CROCC2: variants seen among roughly 807,000 people sequenced by gnomAD.
The protein encoded by CROCC2 is ciliary rootlet coiled-coil, rootletin family member 2, also known as ciliary rootlet coiled-coil protein 2.
In CROCC2, 163 loss-of-function variants were observed where a neutral mutation model predicts 177.6. The observed-to-expected ratio is 0.92, with a 90% CI of 0.81 to 1.05. CROCC2 has a LOEUF of 1.05. Ranked by LOEUF, CROCC2 falls within the 50% of genes least tolerant of loss-of-function variation. CROCC2 has a pLI of 0.00. For missense variants in CROCC2, 1,929 were observed against 1,797.8 expected, an observed-to-expected ratio of 1.07 and a Z score of -1.32; for synonymous variants, 904 against 787.3, an observed-to-expected ratio of 1.15 and a Z score of -2.48.
intron 19 of CROCC2, chr2:240,957,249 C>G (rs1051425950): frequency 3.9e-5 from 6 of 152,460 alleles, no homozygotes; most frequent in African/African-American, 1.4e-4. Flanking sequence ...GTCCTTCCAG[C>G]TCCCAGCATG....
At chr2:240,990,685 C>T (rs567351304) in intron 30 of CROCC2, among the ~76,000 whole-genome samples, 94 of 152,288 alleles carry the variant, frequency 6.2e-4, no homozygotes, top group Non-Finnish European at 1.1e-3. Flanking sequence ...TGGGTTCAAG[C>T]GATTCTCCTG....
rs867667487 is a variant in CROCC2 at position 240,958,025 on chromosome 2, C to T, written c.2944-1276C>T. ...TCTTGAGCTGGCCCTGAGTCTCCCC[C>T]GGACTCGGTACCAGGCCTGCCAGCC... On this transcript the variant is annotated intron_variant, in intron 19 of 31. Transcript: ENST00000690015. The surrounding 1 kb of genome is among the most constrained non-coding windows in gnomAD (Gnocchi z 6.7). 11 of 985,250 alleles carry T rather than the reference C, an allele frequency of 1.1e-5. No individual in the cohort carries two copies. In the East Asian group the frequency reaches 5.7e-4, roughly 51 times the overall value. The allele number at this position is 985,250 out of a possible 1,614,324, so 61.0% of individuals were successfully genotyped here.
At position 240,949,852 on chromosome 2, in the gene CROCC2, T is replaced by C. The variant is rs2106469802; in HGVS notation, c.2652+150T>C. 1 of 831,072 alleles carries C rather than the reference T, an allele frequency of 1.2e-6. No individual in the cohort carries two copies. Among genetic ancestry groups the C allele is most frequent in the Non-Finnish European group, 1.9e-6 (1 of 537,682 alleles). 51.5% of individuals were successfully genotyped at this position (831,072 alleles called of 1,614,324 possible). ...TGGGCAAGGACCAGCTCACTCTTTATAGTTCACGTGGGCATCCAGGGCCTT... is the reference window on the plus strand; with the variant it reads ...TGGGCAAGGACCAGCTCACTCTTTACAGTTCACGTGGGCATCCAGGGCCTT... On this transcript the variant is annotated intron_variant, in intron 17 of 31. Coordinates refer to ENST00000690015, the MANE Select transcript of CROCC2 (RefSeq NM_001351305.2). This position sits in a 1 kb window ranked among gnomAD's most constrained non-coding sequence, Gnocchi z 4.5.
chr2:240,975,719 CTTTTTTTTTTTTTTTTT>C (rs55896940), intron 27 of CROCC2, among the ~76,000 whole-genome samples: 4 of 88,008 alleles, frequency 4.5e-5, no homozygotes, highest in Admixed American at 1.3e-4. Context: ...AACCAGCCTG[CTTTTTTTTTTTTTTTTT>C]TTTTTTTTTT....
intron 15 of CROCC2, among the ~76,000 whole-genome samples, chr2:240,946,752 T>C (rs2059526915): frequency 6.6e-6 from 1 of 152,230 alleles, no homozygotes; most frequent in Non-Finnish European, 1.5e-5. Flanking sequence ...CCCTTCTCCC[T>C]GCAAGGCCTG....
intron 1 of CROCC2, among the ~76,000 whole-genome samples, chr2:240,910,992 A>G (rs1229679553): frequency 2.0e-5 from 3 of 152,094 alleles, no homozygotes; most frequent in African/African-American, 7.2e-5. Flanking sequence ...TTAGCCAGGC[A>G]TGATGGCAGG....
At position 240,968,061 on chromosome 2, in the gene CROCC2, C is replaced by G. The variant is rs868339459; in HGVS notation, c.4268-68C>G. The stretch of plus-strand genomic sequence containing the variant: ...AGCCAGTCACTCAAGTCCACAGAGC[C>G]CTGCATTGCCTGCCTGTGACCTGGG... On this transcript the variant is annotated intron_variant, in intron 26 of 31. Coordinates refer to ENST00000690015, the MANE Select transcript of CROCC2 (RefSeq NM_001351305.2). The G allele has an allele frequency of 5.7e-5, 78 of 1,360,712 alleles. No individual in the cohort carries two copies. The Middle Eastern group carries it at 2.1e-3, about 37-fold the overall frequency. 84.3% of individuals were successfully genotyped at this position (1,360,712 alleles called of 1,614,324 possible).
intron 4 of CROCC2, among the ~76,000 whole-genome samples, chr2:240,923,112 A>T (rs1334544236): frequency 1.3e-5 from 2 of 151,930 alleles, no homozygotes. Flanking sequence ...ACCATGGGGG[A>T]CGGGACTGGT....
chr2:240,919,114 C>T (rs545771082), intron 2 of CROCC2, among the ~76,000 whole-genome samples: 272 of 142,120 alleles, frequency 1.9e-3, no homozygotes, highest in African/African-American at 6.9e-3. Context: ...GGTCCTGGGC[C>T]CGCGGCTGGC....
rs1291531156 is a variant in CROCC2, at chr2:240,918,096, G to A, written c.79-630G>A. Reference sequence around the variant, plus strand: ...CCTGCCCACTTCTGGGCCTATTGGAGCCTCTTCCCTGGCAGTCGGCTTTCA... The same window carrying A: ...CCTGCCCACTTCTGGGCCTATTGGAACCTCTTCCCTGGCAGTCGGCTTTCA... On this transcript the variant is annotated intron_variant, in intron 1 of 31. Coordinates refer to ENST00000690015, the MANE Select transcript of CROCC2 (RefSeq NM_001351305.2). This position sits in a 1 kb window ranked among gnomAD's most constrained non-coding sequence, Gnocchi z 6.3. Among the ~76,000 whole-genome samples, 1 of 152,226 alleles carries A rather than the reference G, an allele frequency of 6.6e-6. No individual in the cohort carries two copies. Among genetic ancestry groups the A allele is most frequent in the Non-Finnish European group, 1.5e-5 (1 of 68,036 alleles).
In CROCC2 at chr2:240,909,922, G is replaced by A. The variant is rs574404454; in HGVS notation, c.78+3331G>A. On this transcript the variant is annotated intron_variant, in intron 1 of 31. Coordinates refer to ENST00000690015, the MANE Select transcript of CROCC2 (RefSeq NM_001351305.2). ...GAGACCATAGGGCCTGAGGAAGGCC[G>A]TGGCTTGAGGATGCAGGAGGCCCCC... Among the ~76,000 whole-genome samples, 25 of 152,298 alleles carry A rather than the reference G, an allele frequency of 1.6e-4. No homozygotes were observed. The South Asian group carries it at 2.1e-3, about 13-fold the overall frequency.
rs77759777 is a variant in CROCC2 at position 240,932,529 on chromosome 2, G to A, written c.1044+115G>A. On this transcript the variant is annotated intron_variant, in intron 8 of 31. Transcript: ENST00000690015. ...GTGGACGGCCTGCAGGGCAAGGTGG[G>A]GTCCCTGCAGTGCACTTTGAGGCAC... 2.5e-3 allele frequency: 1,744 copies of A among 698,746 alleles called. 22 individuals are homozygous for A. The African/African-American group carries it at 0.027, about 11-fold the overall frequency. 43.3% of individuals were successfully genotyped at this position (698,746 alleles called of 1,614,324 possible). A position where few individuals can be genotyped will look rare whatever the true frequency, so the allele number is the denominator to read the frequency against.
chr2:240,929,727 AG>A (rs1173600871), intron 5 of CROCC2: 10 of 459,574 alleles, frequency 2.2e-5, no homozygotes, highest in Non-Finnish European at 4.4e-5. Flanking sequence ...GGAGAAAGGC[AG>A]CCCGTCCTCT....
chr2:240,915,690 G>A (rs765112922), intron 1 of CROCC2, among the ~76,000 whole-genome samples: 6 of 152,176 alleles, frequency 3.9e-5, no homozygotes, highest in Non-Finnish European at 8.8e-5. Flanking sequence ...GGGTGGCGCA[G>A]CAGTGAGGAC....
Position 240,915,668 on chromosome 2 carries a change from C to G in CROCC2, c.79-3058C>G, listed in dbSNP as rs114783603. Among the ~76,000 whole-genome samples, 1,060 of 152,302 alleles carry G rather than the reference C, an allele frequency of 7.0e-3. 6 individuals carry two copies. The highest frequency in any genetic ancestry group is 0.023 in the African/African-American group (954 of 41,560). On this transcript the variant is annotated intron_variant, in intron 1 of 31. Coordinates refer to ENST00000690015, the MANE Select transcript of CROCC2 (RefSeq NM_001351305.2). ...CCCAAGGTTTGGCTGTCCCTCTCCA[C>G]ACAACCAAATGGGGTGGCGCAGCAG... is the stretch of plus-strand genomic sequence containing the variant.
chr2:240,967,444 G>A lies in CROCC2; in HGVS notation c.4246G>A (p.Ala1416Thr). ...AQSRVGQLQK[A>T]LAEAEEGQRR... is the part of the protein sequence containing the mutation. ...GAGCCGCGTGGGGCAGCTGCAGAAA[G>A]CCCTGGCTGAGGCGGAAGAAGGTGA... Residue 1416 changes from alanine to threonine, a missense_variant, in exon 26 of 32, where the codon GCC becomes ACC. By Grantham distance (58) the Ala-to-Thr change is moderately conservative (BLOSUM62 0). This residue lies in a region of CROCC2 where 388 missense variants were observed against 352.7 expected (regional missense o/e 1.10). Transcript: ENST00000690015. The A allele has an allele frequency of 7.0e-7, 1 of 1,431,318 alleles. No homozygotes were observed. Among genetic ancestry groups the A allele is most frequent in the Non-Finnish European group, 9.6e-7 (1 of 1,038,376 alleles). The allele number at this position is 1,431,318 out of a possible 1,614,324, so 88.7% of individuals were successfully genotyped here. A position where few individuals can be genotyped will look rare whatever the true frequency, so the allele number is the denominator to read the frequency against.
intron 4 of CROCC2, 121 bp from the exon 5 acceptor site, chr2:240,925,603 C>G (rs1206061232): frequency 4.9e-6 from 3 of 611,776 alleles, no homozygotes; most frequent in Admixed American, 3.0e-5. Context: ...GCACCTGAGC[C>G]CAGGTCAGTT....
chr2:240,933,536 G>A, intron 10 of CROCC2, 134 bp from the exon 11 acceptor site: 2 of 1,179,800 alleles, frequency 1.7e-6, no homozygotes, highest in Non-Finnish European at 2.4e-6. Context: ...GTGAGACCCT[G>A]TCTGCTTCTC....
rs1451767304 is a variant in CROCC2, at chr2:240,974,081, T to C, written c.4401+5819T>C. On this transcript the variant is annotated intron_variant, in intron 27 of 31. Coordinates refer to ENST00000690015, the MANE Select transcript of CROCC2 (RefSeq NM_001351305.2). ...GTTGCCAAAGACCTGCACATACGTC[T>C]GCTTAGCATCATCTTCGTTATATAC... Among the ~76,000 whole-genome samples, 4 of 152,232 alleles carry C rather than the reference T, an allele frequency of 2.6e-5. No individual in the cohort carries two copies. The East Asian group carries it at 7.7e-4, about 29-fold the overall frequency.
Sources: gnomAD v4.1 joint callset for allele counts (sites outside exome capture counted in the v4.1 genomes callset) on GRCh38, gnomAD v4.1.1 for gene constraint, gnomAD v4.1.1 regional missense constraint, Gnocchi (gnomAD v3.1) non-coding constraint, MANE v1.5 for transcripts, NCBI Gene and HGNC (gene_info 2026-07-23, HGNC 2026-07-21) for gene names.